The following YTHDF1 variants were observed in gnomAD, a reference collection of about 807,000 sequenced individuals.
The protein encoded by YTHDF1 is YTH domain-containing family protein 1.
Under a neutral mutation model 49.1 loss-of-function variants are expected in YTHDF1, and 16 were observed. The observed-to-expected ratio is 0.33, with a 90% CI of 0.22 to 0.49. The LOEUF is 0.49. YTHDF1 is among the 20% of genes least tolerant of loss of function. The probability of loss-of-function intolerance (pLI) is 0.99; values close to 1 mark genes in which losing one functional copy is unlikely to be tolerated. For missense variants in YTHDF1, 621 were observed against 744.3 expected (o/e 0.83, Z 1.93); for synonymous variants, 313 against 290.1 (o/e 1.08, Z -0.80).
intron 4 of YTHDF1, among the ~76,000 whole-genome samples, chr20:63,202,036 T>C (rs533154268): frequency 3.0e-4 from 46 of 152,380 alleles, no homozygotes; most frequent in African/African-American, 7.2e-4. Flanking sequence ...TCAATTATAA[T>C]TGGAAAGTGA....
chr20:63,200,476 T>C (rs1381787944), intron 4 of YTHDF1, among the ~76,000 whole-genome samples: 1 of 152,198 alleles, frequency 6.6e-6, no homozygotes, highest in Non-Finnish European at 1.5e-5. Flanking sequence ...GTTCTCCAGC[T>C]TGGCTAACAG....
At position 63,203,147 on chromosome 20, in the gene YTHDF1, T is replaced by A; in HGVS notation, c.793A>T (p.Ile265Leu). ...GTGCCAATGTCCATGTTATGCTTTA[T>A]GGGTGGAGGGGGCAGCCCACCCCCC... ...VMGGGLPPPP[I>L]KHNMDIGTWD... The change falls in exon 4 of 5, where the codon ATA (isoleucine) becomes TTA (leucine). Residue 265 changes from isoleucine to leucine, a missense_variant. By Grantham distance (5) the Ile-to-Leu change is conservative. Around this residue, in one of 2 missense-constraint regions of YTHDF1, gnomAD observed 470 missense variants for 495.8 expected, o/e 0.95. Coordinates refer to ENST00000370339, the MANE Select transcript of YTHDF1 (RefSeq NM_017798.4). This position sits in a 1 kb window ranked among gnomAD's most constrained non-coding sequence, Gnocchi z 4.4. 6.2e-7 allele frequency: 1 copy of A among 1,613,758 alleles called. No homozygotes were observed. The highest frequency in any genetic ancestry group is 8.5e-7 in the Non-Finnish European group (1 of 1,180,002).
chr20:63,213,202 C>G (rs999798018), intron 3 of YTHDF1, among the ~76,000 whole-genome samples: 3 of 152,174 alleles, frequency 2.0e-5, no homozygotes, highest in Non-Finnish European at 4.4e-5. Flanking sequence ...GAGGCCGAGG[C>G]GGGTGGATCA....
At chr20:63,214,655 AACGGCTGCATTCTTTCG>A (rs1474168682) in intron 2 of YTHDF1, among the ~76,000 whole-genome samples, 10 of 152,106 alleles carry the variant, frequency 6.6e-5, no homozygotes, top group African/African-American at 2.4e-4. Flanking sequence ...ATAAGAGACA[AACGGCTGCATTCTTTCG>A]AGTTTCTGAT....
chr20:63,204,674 G>A (rs73317699), intron 3 of YTHDF1, among the ~76,000 whole-genome samples: 3,667 of 152,264 alleles, frequency 0.024, 117 homozygotes, highest in African/African-American at 0.069. Flanking sequence ...ACCTCAGAGA[G>A]TGGTTTTAAA....
At chr20:63,207,291 A>C (rs573143219) in intron 3 of YTHDF1, among the ~76,000 whole-genome samples, 5 of 151,338 alleles carry the variant, frequency 3.3e-5, no homozygotes, top group African/African-American at 1.2e-4. Flanking sequence ...ACACTGTAAA[A>C]CCCCCCTCTC....
chr20:63,205,644 G>A (rs1367997824), intron 3 of YTHDF1, among the ~76,000 whole-genome samples: 2 of 152,012 alleles, frequency 1.3e-5, no homozygotes, highest in Admixed American at 6.5e-5. Flanking sequence ...AAGTAGCTGG[G>A]ATTACAGACA....
At position 63,210,923 on chromosome 20, in the gene YTHDF1, C is replaced by T. The variant is rs143907338; in HGVS notation, c.132+2941G>A. The stretch of plus-strand genomic sequence containing the variant: ...GATACTGAGCGGCTACAGTCGCAAG[C>T]GCCTCAGGGGCAACTAGGACTGAAA... On this transcript the variant is annotated intron_variant, in intron 3 of 4. Coordinates refer to ENST00000370339, the MANE Select transcript of YTHDF1 (RefSeq NM_017798.4). Among the ~76,000 whole-genome samples, 129 of 152,328 alleles carry T rather than the reference C, an allele frequency of 8.5e-4. 2 individuals carry two copies. The highest frequency in any genetic ancestry group is 2.9e-3 in the African/African-American group (121 of 41,566).
At chr20:63,211,696 G>A (rs1428683481) in intron 3 of YTHDF1, among the ~76,000 whole-genome samples, 1 of 151,624 alleles carries the variant, frequency 6.6e-6, no homozygotes, top group East Asian at 1.9e-4. Flanking sequence ...GCTCATACCT[G>A]TAATCCTAGC....
intron 4 of YTHDF1, among the ~76,000 whole-genome samples, chr20:63,199,980 G>C (rs1381205721): frequency 6.6e-6 from 1 of 152,144 alleles, no homozygotes; most frequent in East Asian, 1.9e-4. Flanking sequence ...CTTGAGCCCA[G>C]GAGGTCAAGG....
intron 4 of YTHDF1, among the ~76,000 whole-genome samples, chr20:63,200,352 G>C (rs908927822): frequency 7.3e-5 from 11 of 151,180 alleles, no homozygotes; most frequent in Admixed American, 5.9e-4. Flanking sequence ...CGGTGAGATT[G>C]GCTCAAAAAA....
At chr20:63,208,350 C>T (rs777575016) in intron 3 of YTHDF1, among the ~76,000 whole-genome samples, 1 of 152,220 alleles carries the variant, frequency 6.6e-6, no homozygotes, top group Non-Finnish European at 1.5e-5. Flanking sequence ...GGAAGCAGCT[C>T]TGACCCAGGA....
intron 4 of YTHDF1, among the ~76,000 whole-genome samples, chr20:63,198,889 TAAG>T (rs2066504627): frequency 6.6e-6 from 1 of 152,336 alleles, no homozygotes; most frequent in East Asian, 1.9e-4. Context: ...TGTTTTAAGC[TAAG>T]AAGTGGCCGT....
chr20:63,213,188 C>G (rs766416883), intron 3 of YTHDF1, among the ~76,000 whole-genome samples: 17 of 152,212 alleles, frequency 1.1e-4, no homozygotes, highest in Non-Finnish European at 1.8e-4. Context: ...TCCCAGCACT[C>G]TGGGAGGCCG....
rs749176334 is a variant in YTHDF1 at position 63,202,854 on chromosome 20, G to A, written c.1086C>T (p.Val362=). The change falls in exon 4 of 5, where the codon GTC becomes GTT. Residue 362 remains valine, a synonymous_variant. Transcript: ENST00000370339. Reference sequence around the variant, plus strand: ...GTTTTTCAAGGACGGGGTGGGATTCGACGCTGGGGGCAGAATTAGGCTGGA... The same window carrying A: ...GTTTTTCAAGGACGGGGTGGGATTCAACGCTGGGGGCAGAATTAGGCTGGA... The part of the protein sequence containing the change: ...GNVQPNSAPS[V]ESHPVLEKLK... 1.1e-5 allele frequency: 17 copies of A among 1,613,766 alleles called. No homozygotes were observed. Among genetic ancestry groups the A allele is most frequent in the South Asian group, 8.8e-5 (8 of 91,090 alleles).
At position 63,203,013 on chromosome 20, in the gene YTHDF1, G is replaced by A. The variant is rs377128010; in HGVS notation, c.927C>T (p.Pro309=). 2.7e-5 allele frequency: 43 copies of A among 1,611,150 alleles called. No individual in the cohort carries two copies. Among genetic ancestry groups the A allele is most frequent in the Non-Finnish European group, 3.5e-5 (41 of 1,178,846 alleles). ...QQVAQPLPAQ[P]PALAQPQYQS... is the part of the protein sequence containing the mutation. The stretch of plus-strand genomic sequence containing the variant: ...GATACTGCGGTTGAGCCAAAGCTGG[G>A]GGCTGTGCTGGGAGAGGCTGAGCCA... The change falls in exon 4 of 5, where the codon CCC becomes CCT. Residue 309 remains proline, a synonymous_variant. Transcript: ENST00000370339. The surrounding 1 kb of genome is among the most constrained non-coding windows in gnomAD (Gnocchi z 4.4).
rs990496510 is a variant in YTHDF1, at chr20:63,203,090, G to A, written c.850C>T (p.Pro284Ser). 6.2e-7 allele frequency: 1 copy of A among 1,607,378 alleles called. No homozygotes were observed. Among genetic ancestry groups the A allele is most frequent in the African/African-American group, 1.3e-5 (1 of 74,692 alleles). ...WDNKGPVPKA[P>S]VPQQAPSPQA... ...GGAGAGGGTGCCTGCTGGGGGACTG[G>A]GGCCTTCGGCACAGGCCCCTTGTTA... The change falls in exon 4 of 5, where the codon CCA (proline) becomes TCA (serine). Residue 284 changes from proline (P) to serine (S), a missense_variant. This residue lies in a region of YTHDF1 where 470 missense variants were observed against 495.8 expected (regional missense o/e 0.95). Coordinates refer to ENST00000370339, the MANE Select transcript of YTHDF1 (RefSeq NM_017798.4). The surrounding 1 kb of genome is among the most constrained non-coding windows in gnomAD (Gnocchi z 4.4).
chr20:63,213,556 A>AACAC (rs1414444554), intron 3 of YTHDF1, among the ~76,000 whole-genome samples: 2 of 152,106 alleles, frequency 1.3e-5, no homozygotes, highest in African/African-American at 4.8e-5. Flanking sequence ...AAGCTTCAGA[A>AACAC]ACACACACAC....
chr20:63,214,941 C>A (rs943780321), intron 2 of YTHDF1, among the ~76,000 whole-genome samples: 1 of 152,220 alleles, frequency 6.6e-6, no homozygotes, highest in Non-Finnish European at 1.5e-5. Flanking sequence ...ACACCACTTA[C>A]CTTCCCACTG....
Sources: allele counts gnomAD v4.1 joint callset (sites outside exome capture counted in the v4.1 genomes callset), GRCh38; gene constraint gnomAD v4.1.1; regional missense constraint gnomAD v4.1.1; non-coding constraint Gnocchi (gnomAD v3.1); transcripts MANE v1.5; gene names NCBI Gene and HGNC (gene_info 2026-07-23, HGNC 2026-07-21).